Variants in MKLN1 observed in about 807,000 individuals in gnomAD.
MKLN1 encodes muskelin.
A neutral mutation model predicts 99.0 loss-of-function variants in MKLN1; 18 were observed. That is an observed-to-expected ratio of 0.18 (90% CI 0.13 to 0.27). The LOEUF is 0.27. Ranked by LOEUF, MKLN1 falls within the 10% of genes least tolerant of loss-of-function variation. MKLN1 has a pLI of 1.00. For synonymous variants in MKLN1, 288 were observed against 293.2 expected (o/e 0.98, Z 0.18); for missense variants, 621 against 875.9 (o/e 0.71, Z 3.67).
intron 1 of MKLN1, among the ~76,000 whole-genome samples, chr7:131,346,085 T>C (rs1799550905): frequency 6.6e-6 from 1 of 152,190 alleles, no homozygotes; most frequent in African/African-American, 2.4e-5. Context: ...TTTTGTAAAA[T>C]TCTTTGGGGG....
chr7:131,338,777 A>T (rs1327662607), intron 1 of MKLN1, among the ~76,000 whole-genome samples: 2 of 152,114 alleles, frequency 1.3e-5, no homozygotes, highest in African/African-American at 4.8e-5. Flanking sequence ...TTGCTATCTG[A>T]TGGGAAAGAA....
chr7:131,302,098 G>A (rs1272599850), intron 3 of MKLN1, among the ~76,000 whole-genome samples: 2 of 152,248 alleles, frequency 1.3e-5, no homozygotes, highest in Non-Finnish European at 2.9e-5. Context: ...ATTAGGAAGT[G>A]TGGTATTTGG....
At chr7:131,460,447 A>ATAGGAAAGC (rs1219914357) in intron 12 of MKLN1, among the ~76,000 whole-genome samples, 1 of 152,252 alleles carries the variant, frequency 6.6e-6, no homozygotes, top group Non-Finnish European at 1.5e-5. Flanking sequence ...ACATACTGTC[A>ATAGGAAAGC]ACCAAGCTTT....
chr7:131,136,538 T>C (rs538322068), intron 1 of MKLN1, among the ~76,000 whole-genome samples: 1 of 152,246 alleles, frequency 6.6e-6, no homozygotes, highest in Non-Finnish European at 1.5e-5. Flanking sequence ...GTCATTTTCC[T>C]CAAATGGTCA....
At chr7:131,407,578 T>A (rs1389809329) in intron 6 of MKLN1, among the ~76,000 whole-genome samples, 1 of 151,944 alleles carries the variant, frequency 6.6e-6, no homozygotes, top group Admixed American at 6.6e-5. Flanking sequence ...GATTTTTCCT[T>A]ATAACACCTT....
At chr7:131,394,276 G>A (rs1441060743) in intron 4 of MKLN1, among the ~76,000 whole-genome samples, 1 of 152,028 alleles carries the variant, frequency 6.6e-6, no homozygotes, top group Non-Finnish European at 1.5e-5. Context: ...TATTCACACA[G>A]CTTCCTTTAT....
chr7:131,306,188 A>G (rs556729362), intron 3 of MKLN1, among the ~76,000 whole-genome samples: 1 of 152,336 alleles, frequency 6.6e-6, no homozygotes, highest in East Asian at 1.9e-4. Flanking sequence ...TGAAACTGTG[A>G]GTCAATTAAA....
intron 9 of MKLN1, among the ~76,000 whole-genome samples, chr7:131,436,122 CAAAA>C (rs1428206990): frequency 6.6e-6 from 1 of 152,000 alleles, no homozygotes; most frequent in Non-Finnish European, 1.5e-5. Flanking sequence ...TATTCTTTGA[CAAAA>C]AATATTTTAA....
chr7:131,248,074 A>ATTTATTTATTTAT (rs112584945), intron 3 of MKLN1, among the ~76,000 whole-genome samples: 1 of 57,252 alleles, frequency 1.7e-5, no homozygotes, highest in African/African-American at 1.1e-4. Context: ...AATTACATTT[A>ATTTATTTATTTAT]TTATTTATTT....
At chr7:131,393,410 C>A (rs761704634) in intron 4 of MKLN1, among the ~76,000 whole-genome samples, 2 of 152,128 alleles carry the variant, frequency 1.3e-5, no homozygotes, top group Non-Finnish European at 2.9e-5. Flanking sequence ...TTTACATACC[C>A]TTTTAGTCTG....
intron 1 of MKLN1, among the ~76,000 whole-genome samples, chr7:131,340,055 C>G (rs891010934): frequency 2.0e-5 from 3 of 151,944 alleles, no homozygotes; most frequent in Non-Finnish European, 4.4e-5. Context: ...CTGTCACTGT[C>G]CTCTTTCTTC....
At chr7:131,213,007 C>A (rs1796930008) in intron 3 of MKLN1, among the ~76,000 whole-genome samples, 1 of 151,898 alleles carries the variant, frequency 6.6e-6, no homozygotes, top group Admixed American at 6.6e-5. Context: ...AAAAGTCTTA[C>A]AATACATTTG....
intron 3 of MKLN1, among the ~76,000 whole-genome samples, chr7:131,223,208 G>A (rs1052110623): frequency 2.0e-5 from 3 of 152,196 alleles, no homozygotes; most frequent in Non-Finnish European, 2.9e-5. Context: ...CTTGGGAACA[G>A]GGTCATGAAA....
At chr7:131,469,382 G>T (rs560028546) in intron 15 of MKLN1, among the ~76,000 whole-genome samples, 1 of 152,240 alleles carries the variant, frequency 6.6e-6, no homozygotes, top group Admixed American at 6.5e-5. Context: ...ATTTCCTGGG[G>T]AGAGTGTCCC....
At chr7:131,262,913 T>G (rs1797754750) in intron 3 of MKLN1, among the ~76,000 whole-genome samples, 1 of 152,190 alleles carries the variant, frequency 6.6e-6, no homozygotes, top group South Asian at 2.1e-4. Flanking sequence ...CATACATTTT[T>G]TTTTCATGAC....
intron 2 of MKLN1, among the ~76,000 whole-genome samples, chr7:131,164,037 C>A (rs893120669): frequency 1.3e-5 from 2 of 152,262 alleles, no homozygotes; most frequent in East Asian, 1.9e-4. Context: ...AATGTTTAAA[C>A]CCTCTCATAT....
At chr7:131,331,025 A>G (rs1050640643) in intron 1 of MKLN1, among the ~76,000 whole-genome samples, 1 of 152,218 alleles carries the variant, frequency 6.6e-6, no homozygotes, top group African/African-American at 2.4e-5. Context: ...ACTCTTATAC[A>G]TAAAAATATT....
At chr7:131,132,783 C>T (rs186378150) in intron 1 of MKLN1, among the ~76,000 whole-genome samples, 1,846 of 151,806 alleles carry the variant, frequency 0.012, 12 homozygotes, top group Middle Eastern at 0.017. Context: ...AAAAATTAGC[C>T]GGGCGTGGTG....
intron 3 of MKLN1, among the ~76,000 whole-genome samples, chr7:131,240,536 A>G (rs78059273): frequency 0.016 from 2,391 of 152,332 alleles, 18 homozygotes; most frequent in Non-Finnish European, 0.023. Context: ...GTACATGGAA[A>G]TAGGAACATT....
Sources: gnomAD v4.1 joint callset for allele counts (sites outside exome capture counted in the v4.1 genomes callset) on GRCh38, gnomAD v4.1.1 for gene constraint, MANE v1.5 for transcripts, NCBI Gene and HGNC (gene_info 2026-07-23, HGNC 2026-07-21) for gene names.